The following R3HDM1 variants were observed in gnomAD, a reference collection of about 807,000 sequenced individuals.
R3HDM1 encodes the protein R3H domain containing 1.
Under a neutral mutation model 141.1 loss-of-function variants are expected in R3HDM1, and 46 were observed. The ratio of observed to expected loss-of-function variants is 0.33; its 90% confidence interval spans 0.26 to 0.42. The LOEUF is 0.42. R3HDM1 is among the 10% of genes least tolerant of loss of function. R3HDM1 has a pLI of 1.00. For missense variants in R3HDM1, 1,184 were observed against 1,368.3 expected (o/e 0.87, Z 2.12); for synonymous variants, 435 against 472.9 (o/e 0.92, Z 1.04).
intron 15 of R3HDM1, among the ~76,000 whole-genome samples, chr2:135,642,118 G>T (rs1306477667): frequency 6.6e-6 from 1 of 151,926 alleles, no homozygotes; most frequent in Admixed American, 6.6e-5. Flanking sequence ...AACCAACATT[G>T]ATTTTTTTGG....
intron 1 of R3HDM1, among the ~76,000 whole-genome samples, chr2:135,545,265 A>T (rs1698452753): frequency 1.3e-5 from 2 of 152,236 alleles, no homozygotes; most frequent in African/African-American, 4.8e-5. Flanking sequence ...TATATAAAGC[A>T]GAGAGTACTT....
At chr2:135,585,634 T>C (rs1451941714) in intron 1 of R3HDM1, among the ~76,000 whole-genome samples, 3 of 152,224 alleles carry the variant, frequency 2.0e-5, no homozygotes, top group Admixed American at 6.5e-5. Flanking sequence ...TTTTATCTTA[T>C]TTGTTTGCCT....
intron 1 of R3HDM1, among the ~76,000 whole-genome samples, chr2:135,587,688 T>C (rs531009683): frequency 6.6e-6 from 1 of 152,300 alleles, no homozygotes; most frequent in South Asian, 2.1e-4. Context: ...ACACATACTC[T>C]CAGTTCTTAC....
chr2:135,685,347 C>T (rs1001483537), intron 21 of R3HDM1, among the ~76,000 whole-genome samples: 16 of 151,974 alleles, frequency 1.1e-4, no homozygotes, highest in African/African-American at 2.4e-4. Flanking sequence ...AGATATGGTA[C>T]GGCAACATGA....
chr2:135,659,614 T>A (rs1274562562), intron 18 of R3HDM1, among the ~76,000 whole-genome samples: 1 of 151,990 alleles, frequency 6.6e-6, no homozygotes. Flanking sequence ...ATTTTTTAAT[T>A]TTCAGTAGTG....
chr2:135,649,583 G>A lies in R3HDM1; in HGVS notation c.1624-319G>A, dbSNP rs188230401. Among the ~76,000 whole-genome samples, 214 of 152,190 alleles carry A rather than the reference G, an allele frequency of 1.4e-3. 2 individuals carry two copies. Among genetic ancestry groups the A allele is most frequent in the African/African-American group, 4.3e-3 (180 of 41,542 alleles). Reference sequence around the variant, plus strand: ...AGTTTTGCTTTTACTGACTTAACCCGGGGGTCTTTGTTAAATAATAGGATT... The same window carrying A: ...AGTTTTGCTTTTACTGACTTAACCCAGGGGTCTTTGTTAAATAATAGGATT... On this transcript the variant is annotated intron_variant, in intron 16 of 26. Transcript: ENST00000683871.
rs186756414 is a variant in R3HDM1 at position 135,681,911 on chromosome 2, A to G, written c.2459+1587A>G. ...ACTTGCTAGTGGGAGTTTTAAGATT[A>G]GCTAATCCCAGCCCCTTTGATGCAA... On this transcript the variant is annotated intron_variant, in intron 21 of 26. Coordinates refer to ENST00000683871, the MANE Select transcript of R3HDM1 (RefSeq NM_001378107.1). Among the ~76,000 whole-genome samples the G allele has an allele frequency of 1.4e-4, 21 of 152,142 alleles. 1 individual carries two copies. The highest frequency in any genetic ancestry group is 1.2e-3 in the Admixed American group (18 of 15,250).
Position 135,680,319 on chromosome 2 carries a change from T to C in R3HDM1, c.2454T>C (p.Asn818=), listed in dbSNP as rs772774675. The C allele has an allele frequency of 1.2e-6, 2 of 1,613,926 alleles. No individual in the cohort carries two copies. The highest frequency in any genetic ancestry group is 2.2e-5 in the East Asian group (1 of 44,858). The change falls in exon 21 of 27, where the codon AAT becomes AAC. Residue 818 remains asparagine, a synonymous_variant. Transcript: ENST00000683871. The part of the protein sequence containing the change: ...YSVIPPGQQN[N]LSSSVGYLQH... ...TCATTCCACCTGGTCAACAAAACAA[T>C]TTAAGGTGAGTATGACTGAGTAACC...
intron 1 of R3HDM1, among the ~76,000 whole-genome samples, chr2:135,562,030 G>A (rs1171884380): frequency 2.6e-5 from 4 of 152,188 alleles, no homozygotes; most frequent in African/African-American, 9.7e-5. Context: ...ATGGTCACCA[G>A]AATGTCTCAA....
chr2:135,709,294 C>A, intron 21 of R3HDM1, 139 bp from the exon 22 acceptor site: 1 of 1,119,084 alleles, frequency 8.9e-7, no homozygotes, highest in Non-Finnish European at 1.2e-6. Context: ...AGGATGTTCT[C>A]GATCTCCTGA....
intron 14 of R3HDM1, among the ~76,000 whole-genome samples, 162 bp from the exon 15 acceptor site, chr2:135,641,374 G>A (rs569125142): frequency 4.1e-4 from 63 of 152,268 alleles, no homozygotes; most frequent in African/African-American, 1.4e-3. Context: ...AAACTTGTTC[G>A]TTATGGGGAG....
intron 1 of R3HDM1, among the ~76,000 whole-genome samples, chr2:135,599,588 C>A (rs1388967464): frequency 6.6e-6 from 1 of 152,144 alleles, no homozygotes; most frequent in East Asian, 1.9e-4. Flanking sequence ...ATACTTGACA[C>A]CCACGTGCCC....
At chr2:135,548,929 T>G (rs532941219) in intron 1 of R3HDM1, among the ~76,000 whole-genome samples, 3 of 152,350 alleles carry the variant, frequency 2.0e-5, no homozygotes, top group South Asian at 4.1e-4. Flanking sequence ...ATTTCTTTAT[T>G]CCTAGTTTTT....
Position 135,722,585 on chromosome 2 carries a change from C to T in R3HDM1, c.3049+32C>T, listed in dbSNP as rs760157514. On this transcript the variant is annotated intron_variant, in intron 26 of 26. Coordinates refer to ENST00000683871, the MANE Select transcript of R3HDM1 (RefSeq NM_001378107.1). ...CTCTGAGGGGCAACTAGATGTGGGT[C>T]TGCAAACTGGTGACAGTCTAAAAAT... 4 of 1,588,594 alleles carry T rather than the reference C, an allele frequency of 2.5e-6. No homozygotes were observed. In the African/African-American group the frequency reaches 5.4e-5, roughly 21 times the overall value.
rs1034092116 is a variant in R3HDM1 at position 135,706,531 on chromosome 2, G to A, written c.2460-2902G>A. On this transcript the variant is annotated intron_variant, in intron 21 of 26. Coordinates refer to ENST00000683871, the MANE Select transcript of R3HDM1 (RefSeq NM_001378107.1). ...TAGGCAGAGGACCCTGCGGCCTTACGCAGTGTTTGTGTCCCTGGGTACTTG... is the reference window on the plus strand; with the variant it reads ...TAGGCAGAGGACCCTGCGGCCTTACACAGTGTTTGTGTCCCTGGGTACTTG... 4.6e-5 allele frequency among the ~76,000 whole-genome samples: 7 copies of A among 152,234 alleles called. No individual in the cohort carries two copies. In the East Asian group the frequency reaches 5.8e-4, roughly 13 times the overall value.
rs188726003 is a variant in R3HDM1 at position 135,642,374 on chromosome 2, A to T, written c.1474+584A>T. ...TAGCTAATAGTAATTTACATTTTGG[A>T]GCATTTACTTTTACCATATGCTCTG... is the stretch of plus-strand genomic sequence containing the variant. On this transcript the variant is annotated intron_variant, in intron 15 of 26. Coordinates refer to ENST00000683871, the MANE Select transcript of R3HDM1 (RefSeq NM_001378107.1). 2.2e-4 allele frequency among the ~76,000 whole-genome samples: 34 copies of T among 152,264 alleles called. No individual in the cohort carries two copies. The East Asian group carries it at 3.3e-3, about 15-fold the overall frequency.
chr2:135,549,255 T>A (rs1208845229), intron 1 of R3HDM1, among the ~76,000 whole-genome samples: 1 of 151,960 alleles, frequency 6.6e-6, no homozygotes, highest in Non-Finnish European at 1.5e-5. Context: ...GGTTTGTTTT[T>A]TAAAAAAATG....
chr2:135,558,568 G>T (rs1701202137), intron 1 of R3HDM1, among the ~76,000 whole-genome samples: 1 of 152,188 alleles, frequency 6.6e-6, no homozygotes, highest in Admixed American at 6.5e-5. Flanking sequence ...TAGCATTTAA[G>T]TGTTAGTCTT....
At position 135,682,856 on chromosome 2, in the gene R3HDM1, G is replaced by T. The variant is rs996880096; in HGVS notation, c.2459+2532G>T. 1.1e-3 allele frequency among the ~76,000 whole-genome samples: 167 copies of T among 152,228 alleles called. 1 individual carries two copies. Among genetic ancestry groups the T allele is most frequent in the African/African-American group, 3.8e-3 (159 of 41,532 alleles). ...TACTAAAAATACAAAAATTAGCCAGGCGTGGTGGCGAGCACCTGTAATCCC... is the reference window on the plus strand; with the variant it reads ...TACTAAAAATACAAAAATTAGCCAGTCGTGGTGGCGAGCACCTGTAATCCC... On this transcript the variant is annotated intron_variant, in intron 21 of 26. Transcript: ENST00000683871.
Sources: allele counts gnomAD v4.1 joint callset (sites outside exome capture counted in the v4.1 genomes callset), GRCh38; gene constraint gnomAD v4.1.1; transcripts MANE v1.5; gene names NCBI Gene and HGNC (gene_info 2026-07-23, HGNC 2026-07-21).